SESTD1: variants seen among roughly 807,000 people sequenced by gnomAD.
SESTD1 encodes the protein SEC14 domain and spectrin repeat-containing protein 1.
A neutral mutation model predicts 101.7 loss-of-function variants in SESTD1; 43 were observed. The observed-to-expected ratio is 0.42, with a 90% CI of 0.33 to 0.55. The LOEUF is 0.55. Ranked by LOEUF, SESTD1 falls within the 20% of genes least tolerant of loss-of-function variation. SESTD1 has a pLI of 0.07. For synonymous variants in SESTD1, 283 were observed against 286.8 expected, an observed-to-expected ratio of 0.99 and a Z score of 0.13; for missense variants, 647 against 815.1, an observed-to-expected ratio of 0.79 and a Z score of 2.51.
intron 1 of SESTD1, among the ~76,000 whole-genome samples, chr2:179,198,499 T>C (rs1450341887): frequency 3.9e-5 from 6 of 152,066 alleles, no homozygotes; most frequent in African/African-American, 1.5e-4. Context: ...CAACAGAATA[T>C]ACATTTTTTT....
intron 17 of SESTD1, among the ~76,000 whole-genome samples, chr2:179,111,982 C>G (rs1180782448): frequency 6.6e-6 from 1 of 152,048 alleles, no homozygotes; most frequent in African/African-American, 2.4e-5. Flanking sequence ...GCCTCCCAAA[C>G]TGCTGGGATT....
chr2:179,123,617 T>C, intron 12 of SESTD1, 98 bp downstream of exon 12: 1 of 700,380 alleles, frequency 1.4e-6, no homozygotes, highest in Non-Finnish European at 2.4e-6. Flanking sequence ...AAAATAATAC[T>C]AATTAGTTCA....
intron 1 of SESTD1, among the ~76,000 whole-genome samples, chr2:179,256,541 G>A (rs535948609): frequency 2.5e-4 from 38 of 152,200 alleles, no homozygotes; most frequent in African/African-American, 6.3e-4. Context: ...GGCCGGGCAC[G>A]GTGTCTTACG....
intron 5 of SESTD1, among the ~76,000 whole-genome samples, chr2:179,159,639 T>C (rs2045696400): frequency 6.6e-6 from 1 of 152,234 alleles, no homozygotes; most frequent in Non-Finnish European, 1.5e-5. Context: ...GGTGATTTTC[T>C]ATAAATTGTT....
chr2:179,193,930 T>C (rs898556170), intron 1 of SESTD1, among the ~76,000 whole-genome samples: 3 of 152,194 alleles, frequency 2.0e-5, no homozygotes, highest in Non-Finnish European at 4.4e-5. Flanking sequence ...ACCTTTTCTG[T>C]TGCAACTCTT....
chr2:179,146,904 GGT>G (rs71023470), intron 7 of SESTD1, among the ~76,000 whole-genome samples: 4,388 of 145,244 alleles, frequency 0.03, 129 homozygotes, highest in African/African-American at 0.079. Context: ...ATATTCCAGG[GGT>G]GTGTGTGTGT....
In SESTD1 at chr2:179,163,559, TTA is replaced by T. The variant is rs1020187824; in HGVS notation, c.369+8559_369+8560del. On this transcript the variant is annotated intron_variant, in intron 5 of 17. Transcript: ENST00000428443. The stretch of plus-strand genomic sequence containing the variant: ...GGGAACAAGAATAAAAATATGTATA[TTA>T]TATATATATATAAAAGAAGGAAAAA... 6.7e-5 allele frequency among the ~76,000 whole-genome samples: 10 copies of T among 148,172 alleles called. No homozygotes were observed. The South Asian group carries it at 8.4e-4, about 12-fold the overall frequency.
At chr2:179,243,768 G>A (rs1222356552) in intron 1 of SESTD1, among the ~76,000 whole-genome samples, 3 of 149,668 alleles carry the variant, frequency 2.0e-5, no homozygotes, top group African/African-American at 7.4e-5. Context: ...GAGAGGGTGG[G>A]TGGGGGCTAA....
chr2:179,150,147 C>G (rs1360599938), intron 6 of SESTD1, among the ~76,000 whole-genome samples: 1 of 152,122 alleles, frequency 6.6e-6, no homozygotes, highest in Non-Finnish European at 1.5e-5. Context: ...ACTGCTTGAG[C>G]CCAGAAGTTA....
At chr2:179,197,239 C>T (rs184001042) in intron 1 of SESTD1, among the ~76,000 whole-genome samples, 147 of 151,406 alleles carry the variant, frequency 9.7e-4, no homozygotes, top group Admixed American at 6.4e-3. Context: ...TGAAATGAAG[C>T]GAGAAGGGAA....
chr2:179,150,040 C>G (rs531213035), intron 6 of SESTD1, among the ~76,000 whole-genome samples: 2 of 152,102 alleles, frequency 1.3e-5, no homozygotes, highest in African/African-American at 4.8e-5. Context: ...CTGGCCTGGG[C>G]AACATGGAGA....
intron 3 of SESTD1, among the ~76,000 whole-genome samples, chr2:179,177,334 G>T (rs1189573282): frequency 6.6e-6 from 1 of 152,084 alleles, no homozygotes; most frequent in African/African-American, 2.4e-5. Context: ...TTAATGTAAG[G>T]ATCTCAATTG....
chr2:179,118,578 C>T (rs2154393875), intron 13 of SESTD1, among the ~76,000 whole-genome samples: 1 of 152,008 alleles, frequency 6.6e-6, no homozygotes, highest in Middle Eastern at 3.4e-3. Context: ...TAAAGATGCT[C>T]TGAATAAAAG....
At chr2:179,237,972 C>T (rs1023910532) in intron 1 of SESTD1, among the ~76,000 whole-genome samples, 16 of 152,104 alleles carry the variant, frequency 1.1e-4, no homozygotes, top group African/African-American at 3.9e-4. Flanking sequence ...TTCAGACTCC[C>T]CAAAAACTCA....
chr2:179,150,085 C>T (rs567618246), intron 6 of SESTD1, among the ~76,000 whole-genome samples: 2 of 152,208 alleles, frequency 1.3e-5, no homozygotes, highest in East Asian at 3.9e-4. Flanking sequence ...CTTCGTCAGG[C>T]ATGGTGGCAT....
At chr2:179,219,317 T>C (rs2046770185) in intron 1 of SESTD1, among the ~76,000 whole-genome samples, 1 of 152,226 alleles carries the variant, frequency 6.6e-6, no homozygotes, top group African/African-American at 2.4e-5. Flanking sequence ...TCTCAATAAA[T>C]ATAAATCAAC....
chr2:179,221,931 T>A lies in SESTD1; in HGVS notation c.-25-30065A>T, dbSNP rs576954924. Among the ~76,000 whole-genome samples the A allele has an allele frequency of 4.6e-5, 7 of 151,652 alleles. No homozygotes were observed. The South Asian group carries it at 8.3e-4, about 18-fold the overall frequency. On this transcript the variant is annotated intron_variant, in intron 1 of 17. Coordinates refer to ENST00000428443, the MANE Select transcript of SESTD1 (RefSeq NM_178123.5). ...TTAGACCCTGTCTCAAAAAAAAAAA[T>A]TAAAAAACAAAAAACAACATATATT...
chr2:179,137,070 G>T (rs2045162736), intron 9 of SESTD1, among the ~76,000 whole-genome samples: 1 of 152,054 alleles, frequency 6.6e-6, no homozygotes, highest in Admixed American at 6.6e-5. Context: ...GCCAAACTAG[G>T]TTATAACTTA....
chr2:179,161,969 T>G (rs913932131), intron 5 of SESTD1, among the ~76,000 whole-genome samples: 2 of 152,224 alleles, frequency 1.3e-5, no homozygotes, highest in Non-Finnish European at 2.9e-5. Context: ...ATATGCTACA[T>G]AACAATTTTA....
Sources: allele counts gnomAD v4.1 joint callset (sites outside exome capture counted in the v4.1 genomes callset), GRCh38; gene constraint gnomAD v4.1.1; transcripts MANE v1.5; gene names NCBI Gene and HGNC (gene_info 2026-07-23, HGNC 2026-07-21).